The following TMEM132C variants were observed in gnomAD, a reference collection of about 807,000 sequenced individuals.
The protein encoded by TMEM132C is transmembrane protein 132C, also known as protein phosphatase 1, regulatory subunit 152.
Under a neutral mutation model 61.4 loss-of-function variants are expected in TMEM132C, and 29 were observed. The observed-to-expected ratio is 0.47, with a 90% CI of 0.35 to 0.64. TMEM132C has a LOEUF of 0.64. Ranked by LOEUF, TMEM132C falls within the 30% of genes least tolerant of loss-of-function variation. The probability of loss-of-function intolerance (pLI) is 0.00; values close to 1 mark genes in which losing one functional copy is unlikely to be tolerated. For synonymous variants in TMEM132C, 656 were observed against 633.1 expected (o/e 1.04, Z -0.54); for missense variants, 1,408 against 1,476.9 (o/e 0.95, Z 0.76).
intron 5 of TMEM132C, among the ~76,000 whole-genome samples, chr12:128,690,987 A>G (rs1473364186): frequency 1.3e-5 from 2 of 152,196 alleles, no homozygotes; most frequent in Non-Finnish European, 2.9e-5. Context: ...AGAGTTCTTT[A>G]TTCAGCACTG....
intron 2 of TMEM132C, among the ~76,000 whole-genome samples, chr12:128,515,219 A>G (rs1248301518): frequency 2.6e-5 from 4 of 152,168 alleles, no homozygotes; most frequent in African/African-American, 9.7e-5. Context: ...TACACTGGGG[A>G]CTTCTGATAG....
intron 5 of TMEM132C, among the ~76,000 whole-genome samples, chr12:128,686,343 T>G (rs1954676985): frequency 6.6e-6 from 1 of 152,172 alleles, no homozygotes; most frequent in Non-Finnish European, 1.5e-5. Flanking sequence ...TAATCCTCTA[T>G]AGATTTGGGA....
At chr12:128,499,221 A>C (rs1425763143) in intron 2 of TMEM132C, among the ~76,000 whole-genome samples, 1 of 152,132 alleles carries the variant, frequency 6.6e-6, no homozygotes, top group Non-Finnish European at 1.5e-5. Flanking sequence ...AGAAATAAAC[A>C]CCAAGTAATG....
chr12:128,694,037 G>A lies in TMEM132C; in HGVS notation c.1655+3G>A. 1 of 1,551,528 alleles carries A rather than the reference G, an allele frequency of 6.4e-7. No individual in the cohort carries two copies. Among genetic ancestry groups the A allele is most frequent in the Non-Finnish European group, 8.7e-7 (1 of 1,146,914 alleles). On this transcript the variant is annotated splice_donor_region_variant and intron_variant, in intron 6 of 8. Coordinates refer to ENST00000435159, the MANE Select transcript of TMEM132C (RefSeq NM_001136103.3). ...GTCCCCATTGTGACCAATAAGAGGT[G>A]AGCCTCGGATGGGGAGATGCCCTAG...
chr12:128,325,966 G>A (rs1193394), intron 1 of TMEM132C, among the ~76,000 whole-genome samples: 76,829 of 151,794 alleles, frequency 0.51, 20,045 homozygotes, highest in African/African-American at 0.62. Flanking sequence ...GGACATATGT[G>A]GTCCCTCGTT....
chr12:128,620,432 A>G (rs1026073307), intron 4 of TMEM132C, among the ~76,000 whole-genome samples: 1 of 152,108 alleles, frequency 6.6e-6, no homozygotes, highest in African/African-American at 2.4e-5. Context: ...CCAGATAGTG[A>G]TCAGACGCTG....
rs1954827441 is a variant in TMEM132C, at chr12:128,705,161, G to A, written c.2193G>A (p.Lys731=). The change falls in exon 9 of 9, where the codon AAG becomes AAA. Residue 731 remains lysine (K), a synonymous_variant. Transcript: ENST00000435159. ...CGCCCCTGGACATCTACGACACCAA[G>A]GACTTCTCCCTGGCAGCCACCTCCC... The part of the protein sequence containing the change: ...SVTPLDIYDT[K]DFSLAATSQD... The A allele has an allele frequency of 6.4e-7, 1 of 1,551,528 alleles. No individual in the cohort carries two copies. Among genetic ancestry groups the A allele is most frequent in the Admixed American group, 2.0e-5 (1 of 50,982 alleles).
intron 2 of TMEM132C, among the ~76,000 whole-genome samples, chr12:128,481,559 A>T (rs1222150811): frequency 1.3e-5 from 2 of 152,186 alleles, no homozygotes; most frequent in Admixed American, 6.5e-5. Context: ...CGGATGAGAG[A>T]GCTGAGGCCT....
intron 2 of TMEM132C, among the ~76,000 whole-genome samples, chr12:128,537,030 G>A (rs1355918411): frequency 6.6e-6 from 1 of 152,180 alleles, no homozygotes; most frequent in African/African-American, 2.4e-5. Flanking sequence ...AGCCATAGGA[G>A]GAGTCATGAA....
intron 3 of TMEM132C, among the ~76,000 whole-genome samples, chr12:128,554,228 CA>C (rs779648093): frequency 1.4e-4 from 22 of 152,146 alleles, no homozygotes; most frequent in Non-Finnish European, 2.6e-4. Flanking sequence ...GCCATTTAAC[CA>C]GGAGTCGCAA....
intron 2 of TMEM132C, among the ~76,000 whole-genome samples, chr12:128,538,037 C>T (rs1873595939): frequency 6.6e-6 from 1 of 151,938 alleles, no homozygotes; most frequent in South Asian, 2.1e-4. Flanking sequence ...CTCAAGTGAT[C>T]CTGCTGCCTC....
intron 4 of TMEM132C, among the ~76,000 whole-genome samples, chr12:128,617,663 G>T (rs944684549): frequency 6.6e-6 from 1 of 151,656 alleles, no homozygotes; most frequent in South Asian, 2.1e-4. Context: ...AGGTGGGGCA[G>T]GTGTAGAGTC....
chr12:128,665,238 C>G (rs973567595), intron 4 of TMEM132C, among the ~76,000 whole-genome samples: 2 of 149,542 alleles, frequency 1.3e-5, no homozygotes, highest in Admixed American at 1.3e-4. Context: ...CACACAGGCT[C>G]GCACACACAT....
At chr12:128,446,777 G>A (rs181170842) in intron 2 of TMEM132C, among the ~76,000 whole-genome samples, 135 of 152,254 alleles carry the variant, frequency 8.9e-4, no homozygotes, top group Non-Finnish European at 7.4e-5. Context: ...CTGAAGCAGC[G>A]ATATATTATG....
intron 3 of TMEM132C, among the ~76,000 whole-genome samples, chr12:128,571,700 G>T (rs547348570): frequency 6.6e-6 from 1 of 152,316 alleles, no homozygotes; most frequent in East Asian, 1.9e-4. Flanking sequence ...GGTTATAGGA[G>T]ACAGAAAATC....
At chr12:128,378,732 C>T (rs1319565245) in intron 1 of TMEM132C, among the ~76,000 whole-genome samples, 1 of 152,144 alleles carries the variant, frequency 6.6e-6, no homozygotes, top group African/African-American at 2.4e-5. Context: ...CTCGGGACAG[C>T]AAGAAGGTTG....
At chr12:128,549,399 C>T (rs1874075736) in intron 3 of TMEM132C, among the ~76,000 whole-genome samples, 1 of 152,024 alleles carries the variant, frequency 6.6e-6, no homozygotes, top group African/African-American at 2.4e-5. Flanking sequence ...TCAGTAAAGC[C>T]ACCATCACCC....
chr12:128,549,580 C>T (rs959665408), intron 3 of TMEM132C, among the ~76,000 whole-genome samples: 2 of 152,102 alleles, frequency 1.3e-5, no homozygotes, highest in Admixed American at 1.3e-4. Context: ...TGACAATCTA[C>T]GGCCAGGAGT....
chr12:128,505,885 C>G (rs888771282), intron 2 of TMEM132C, among the ~76,000 whole-genome samples: 2 of 136,622 alleles, frequency 1.5e-5, no homozygotes, highest in African/African-American at 5.6e-5. Context: ...AGTGGTCAGA[C>G]CCGTGGGATT....
Sources: allele counts gnomAD v4.1 joint callset (sites outside exome capture counted in the v4.1 genomes callset), GRCh38; gene constraint gnomAD v4.1.1; transcripts MANE v1.5; gene names NCBI Gene and HGNC (gene_info 2026-07-23, HGNC 2026-07-21).